SCLT1: variants seen among roughly 807,000 people sequenced by gnomAD.
SCLT1 encodes the protein sodium channel and clathrin linker 1, also known as sodium channel-associated protein 1.
Under a neutral mutation model 112.8 loss-of-function variants are expected in SCLT1, and 78 were observed. That is an observed-to-expected ratio of 0.69 (90% confidence interval 0.58 to 0.83). The LOEUF (loss-of-function observed/expected upper bound fraction) is 0.83, where lower values mean the gene tolerates loss of function less well. Ranked by LOEUF, SCLT1 falls within the 40% of genes least tolerant of loss-of-function variation. The pLI, the probability that SCLT1 is intolerant of heterozygous loss-of-function variation, is 0.00. For synonymous variants in SCLT1, 257 were observed against 254.7 expected (o/e 1.01, Z -0.09); for missense variants, 747 against 770.4 (o/e 0.97, Z 0.36).
At chr4:128,963,303 A>G (rs983650390) in intron 11 of SCLT1, among the ~76,000 whole-genome samples, 1 of 152,142 alleles carries the variant, frequency 6.6e-6, no homozygotes, top group Admixed American at 6.5e-5. Flanking sequence ...TTCCCTACTG[A>G]TGATAATCCT....
intron 9 of SCLT1, among the ~76,000 whole-genome samples, chr4:128,984,698 A>G (rs1171815981): frequency 1.3e-5 from 2 of 152,070 alleles, no homozygotes; most frequent in Non-Finnish European, 2.9e-5. Flanking sequence ...TATGCCAAAA[A>G]TCTTATATCC....
chr4:128,916,500 A>T (rs1735484624), intron 18 of SCLT1, among the ~76,000 whole-genome samples: 2 of 152,162 alleles, frequency 1.3e-5, no homozygotes, highest in South Asian at 4.1e-4. Flanking sequence ...CTCTGAGTAG[A>T]TTTACAGTTT....
chr4:128,900,184 T>A (rs1389565749), intron 18 of SCLT1, among the ~76,000 whole-genome samples: 1 of 152,154 alleles, frequency 6.6e-6, no homozygotes, highest in Admixed American at 6.5e-5. Context: ...ACTTGAAAGT[T>A]CATATGGAAC....
rs755491731 is a variant in SCLT1, at chr4:128,946,748, T to TA, written c.1294-597dup. Among the ~76,000 whole-genome samples, 17 of 152,288 alleles carry TA rather than the reference T, an allele frequency of 1.1e-4. No individual in the cohort carries two copies. In the South Asian group the frequency reaches 3.3e-3, roughly 30 times the overall value. On this transcript the variant is annotated intron_variant, in intron 15 of 20. Coordinates refer to ENST00000281142, the MANE Select transcript of SCLT1 (RefSeq NM_144643.4). ...CTTTTCCAATATTCAAAAATAAAGA[T>TA]ACATGCCATGGTGCAATAACTAGAA...
At chr4:129,039,300 A>T (rs148246311) in intron 4 of SCLT1, 85 of 435,664 alleles carry the variant, frequency 2.0e-4, no homozygotes, top group Middle Eastern at 1.2e-3. Flanking sequence ...AGTAGAATAT[A>T]AATAAAATAG....
intron 18 of SCLT1, among the ~76,000 whole-genome samples, chr4:128,896,278 G>A (rs1256255807): frequency 6.6e-6 from 1 of 152,156 alleles, no homozygotes; most frequent in African/African-American, 2.4e-5. Context: ...CTAACTGGGA[G>A]GTACCCCCCA....
rs757220816 is a variant in SCLT1 at position 129,082,361 on chromosome 4, T to A, written c.47A>T (p.Asn16Ile). ...CATTTGATACCGCCTAAAATCTTCA[T>A]TTAGTCTTCGATCTGAAACAAGCGG... ...DFLREQNRRL[N>I]EDFRRYQMES... is the part of the protein sequence containing the mutation. The change falls in exon 2 of 21, where the codon AAT (asparagine) becomes ATT (isoleucine). Residue 16 changes from asparagine (N) to isoleucine (I), a missense_variant. Physicochemically the swap from Asn to Ile is moderately radical, Grantham distance 149 (BLOSUM62 -3). This residue lies in a region of SCLT1 where 723 missense variants were observed against 721.3 expected (regional missense o/e 1.00). Transcript: ENST00000281142. The A allele has an allele frequency of 6.3e-7, 1 of 1,592,512 alleles. No individual in the cohort carries two copies. The highest frequency in any genetic ancestry group is 8.6e-7 in the Non-Finnish European group (1 of 1,165,310).
chr4:129,043,548 TA>T lies in SCLT1; in HGVS notation c.162-82del, dbSNP rs1747900688. ...TATAACAAGTGAAATAAATTACACA[TA>T]AAAATTTTATGTTTAGTTTACTCAT... is the stretch of plus-strand genomic sequence containing the variant. On this transcript the variant is annotated intron_variant, in intron 3 of 20. Transcript: ENST00000281142. The T allele has an allele frequency of 1.2e-5, 8 of 646,252 alleles. No individual in the cohort carries two copies. In the South Asian group the frequency reaches 1.7e-4, roughly 14 times the overall value. 40.0% of individuals were successfully genotyped at this position (646,252 alleles called of 1,614,324 possible).
At chr4:129,030,482 AGAGACAT>A (rs1746606795) in intron 5 of SCLT1, among the ~76,000 whole-genome samples, 1 of 152,174 alleles carries the variant, frequency 6.6e-6, no homozygotes, top group African/African-American at 2.4e-5. Context: ...TGAAGGAGAC[AGAGACAT>A]GAAAAACTGC....
chr4:129,050,271 C>T (rs71613905), intron 2 of SCLT1, among the ~76,000 whole-genome samples: 6,220 of 152,250 alleles, frequency 0.041, 157 homozygotes, highest in South Asian at 0.057. Flanking sequence ...ATTGCTGGGT[C>T]AAATGGAATT....
intron 1 of SCLT1, among the ~76,000 whole-genome samples, chr4:129,085,593 G>GT (rs1197892500): frequency 6.6e-6 from 1 of 152,104 alleles, no homozygotes. Context: ...ATCCACAAGA[G>GT]TAAAGACATG....
intron 9 of SCLT1, among the ~76,000 whole-genome samples, chr4:128,981,097 C>T (rs1399450511): frequency 6.6e-6 from 1 of 152,124 alleles, no homozygotes; most frequent in Non-Finnish European, 1.5e-5. Context: ...AGATCATAAT[C>T]CACGCCTTCC....
intron 5 of SCLT1, among the ~76,000 whole-genome samples, chr4:129,030,361 A>C (rs1746596357): frequency 6.6e-6 from 1 of 152,202 alleles, no homozygotes; most frequent in Admixed American, 6.5e-5. Flanking sequence ...AGAAAGTGGG[A>C]AAGATCTAAA....
chr4:129,084,241 C>G (rs543454770), intron 1 of SCLT1, among the ~76,000 whole-genome samples: 2 of 152,070 alleles, frequency 1.3e-5, no homozygotes, highest in East Asian at 3.9e-4. Flanking sequence ...AAAGATGAAA[C>G]AACTGTCATT....
At chr4:129,047,897 T>C (rs904445548) in intron 2 of SCLT1, among the ~76,000 whole-genome samples, 2 of 152,120 alleles carry the variant, frequency 1.3e-5, no homozygotes, top group Non-Finnish European at 2.9e-5. Flanking sequence ...TCTTGTCAGA[T>C]AAATAGTTTT....
intron 8 of SCLT1, chr4:128,997,231 C>G (rs1447990142): frequency 6.6e-6 from 1 of 151,620 alleles, no homozygotes; most frequent in African/African-American, 2.4e-5. Flanking sequence ...CATTGTTATA[C>G]AAAGACATTT....
chr4:128,895,965 T>G (rs575950774), intron 18 of SCLT1, among the ~76,000 whole-genome samples: 256 of 152,252 alleles, frequency 1.7e-3, no homozygotes, highest in Non-Finnish European at 2.9e-3. Flanking sequence ...GAGATCAAAC[T>G]GCAAGGCGGC....
At chr4:129,010,547 G>A (rs1209554342) in intron 5 of SCLT1, among the ~76,000 whole-genome samples, 6 of 152,174 alleles carry the variant, frequency 3.9e-5, no homozygotes, top group Admixed American at 3.9e-4. Context: ...CTATCCATGA[G>A]CATGGAACAT....
At chr4:129,090,976 G>A (rs1752777877) in intron 1 of SCLT1, among the ~76,000 whole-genome samples, 1 of 152,158 alleles carries the variant, frequency 6.6e-6, no homozygotes, top group Non-Finnish European at 1.5e-5. Context: ...CATGAGTTGA[G>A]AAGTACCAAA....
Sources: allele counts gnomAD v4.1 joint callset (sites outside exome capture counted in the v4.1 genomes callset), GRCh38; gene constraint gnomAD v4.1.1; regional missense constraint gnomAD v4.1.1; transcripts MANE v1.5; gene names NCBI Gene and HGNC (gene_info 2026-07-23, HGNC 2026-07-21).